Variants in KCNQ3 observed in about 807,000 individuals in gnomAD.
KCNQ3 encodes potassium voltage-gated channel subfamily Q member 3.
In KCNQ3, 30 loss-of-function variants were observed where a neutral mutation model predicts 92.5. That is an observed-to-expected ratio of 0.32 (90% CI 0.24 to 0.44). The LOEUF is 0.44. Among genes scored for constraint, KCNQ3 ranks in the 20% least tolerant of loss-of-function variants. The pLI, the probability that KCNQ3 is intolerant of heterozygous loss-of-function variation, is 1.00. For missense variants in KCNQ3, 913 were observed against 1,140.3 expected (o/e 0.80, Z 2.87); for synonymous variants, 450 against 468.8 (o/e 0.96, Z 0.52).
intron 1 of KCNQ3, among the ~76,000 whole-genome samples, chr8:132,279,316 C>T (rs1314766054): frequency 6.6e-6 from 1 of 152,100 alleles, no homozygotes; most frequent in African/African-American, 2.4e-5. Context: ...CTAAAAGTCT[C>T]CTAGGTGATT....
chr8:132,314,828 A>G (rs1209036807), intron 1 of KCNQ3, among the ~76,000 whole-genome samples: 2 of 152,228 alleles, frequency 1.3e-5, no homozygotes, highest in African/African-American at 4.8e-5. Flanking sequence ...GAGAAGTCTT[A>G]AAATATGAGC....
intron 1 of KCNQ3, among the ~76,000 whole-genome samples, chr8:132,237,732 G>T (rs143521956): frequency 6.6e-6 from 1 of 152,144 alleles, no homozygotes; most frequent in East Asian, 1.9e-4. Flanking sequence ...TGGAATTTGC[G>T]CTTTAATAGT....
intron 1 of KCNQ3, among the ~76,000 whole-genome samples, chr8:132,409,756 T>C (rs1035353515): frequency 6.6e-6 from 1 of 152,192 alleles, no homozygotes; most frequent in Non-Finnish European, 1.5e-5. Context: ...CAGTGCATAT[T>C]GAAATGGAGG....
chr8:132,287,833 T>C (rs1816720923), intron 1 of KCNQ3, among the ~76,000 whole-genome samples: 1 of 152,182 alleles, frequency 6.6e-6, no homozygotes, highest in South Asian at 2.1e-4. Context: ...GGCTTCTATT[T>C]GGGTGTCAGA....
At chr8:132,185,887 T>G (rs1286823620) in intron 2 of KCNQ3, among the ~76,000 whole-genome samples, 1 of 152,220 alleles carries the variant, frequency 6.6e-6, no homozygotes, top group East Asian at 1.9e-4. Context: ...TAGCAAAGCT[T>G]TACCAGGAAT....
At chr8:132,448,675 C>T (rs770187680) in intron 1 of KCNQ3, among the ~76,000 whole-genome samples, 10 of 152,090 alleles carry the variant, frequency 6.6e-5, no homozygotes, top group Admixed American at 1.3e-4. Context: ...CTATTATTTG[C>T]GTTTCTATCT....
intron 1 of KCNQ3, among the ~76,000 whole-genome samples, chr8:132,408,814 A>G (rs1820569934): frequency 6.6e-6 from 1 of 152,180 alleles, no homozygotes; most frequent in East Asian, 1.9e-4. Flanking sequence ...CCAACCCTGG[A>G]TGACAGCCAG....
chr8:132,431,579 G>C (rs1356824984), intron 1 of KCNQ3, among the ~76,000 whole-genome samples: 1 of 152,166 alleles, frequency 6.6e-6, no homozygotes, highest in Non-Finnish European at 1.5e-5. Context: ...CATGGAGCCT[G>C]GCTCACCTGA....
At chr8:132,161,366 T>C (rs948059009) in intron 9 of KCNQ3, among the ~76,000 whole-genome samples, 2 of 152,160 alleles carry the variant, frequency 1.3e-5, no homozygotes, top group Non-Finnish European at 1.5e-5. Context: ...CGGTGGCTCA[T>C]GCCTGTAATC....
chr8:132,228,847 G>A (rs1814527787), intron 1 of KCNQ3, among the ~76,000 whole-genome samples: 2 of 152,096 alleles, frequency 1.3e-5, no homozygotes, highest in Non-Finnish European at 2.9e-5. Context: ...AGCTTAAAGA[G>A]CTTCATGCAT....
In KCNQ3 at chr8:132,480,071, C is replaced by G. The variant is rs942255203; in HGVS notation, c.386+76G>C. On this transcript the variant is annotated intron_variant, in intron 1 of 14. Transcript: ENST00000388996. ...TCCATGGGTCTTAAAGCCCCAGAGA[C>G]TTCTCAGCTCCAGCCCCGACCCCAA... is the stretch of plus-strand genomic sequence containing the variant. The G allele has an allele frequency of 9.1e-5, 130 of 1,435,222 alleles. 1 individual carries two copies. Among genetic ancestry groups the G allele is most frequent in the Non-Finnish European group, 1.2e-4 (125 of 1,048,008 alleles). The allele number at this position is 1,435,222 out of a possible 1,614,324, so 88.9% of individuals were successfully genotyped here. A position where few individuals can be genotyped will look rare whatever the true frequency, so the allele number is the denominator to read the frequency against.
rs559623435 is a variant in KCNQ3 at position 132,153,990 on chromosome 8, A to G, written c.1262+9478T>C. On this transcript the variant is annotated intron_variant, in intron 9 of 14. Transcript: ENST00000388996. ...ATCCTGAACCCCTGGGACGCCTTTG[A>G]AAAAAAATGCCATTTTTTTTCCTTT... Among the ~76,000 whole-genome samples the G allele has an allele frequency of 1.5e-4, 5 of 32,716 alleles. No individual in the cohort carries two copies. The South Asian group carries it at 2.0e-3, about 13-fold the overall frequency. The allele number at this position is 32,716 out of a possible 152,430, so 21.5% of individuals were successfully genotyped here. A position where few individuals can be genotyped will look rare whatever the true frequency, so the allele number is the denominator to read the frequency against.
chr8:132,185,961 C>G, intron 2 of KCNQ3, 130 bp downstream of exon 2: 1 of 741,486 alleles, frequency 1.3e-6, no homozygotes, highest in South Asian at 1.5e-5. Context: ...TTTGCTTTTC[C>G]TTGGGCCTGG....
At chr8:132,380,947 A>G (rs1480335520) in intron 1 of KCNQ3, among the ~76,000 whole-genome samples, 1 of 151,944 alleles carries the variant, frequency 6.6e-6, no homozygotes, top group African/African-American at 2.4e-5. Context: ...AAAAAAAAAA[A>G]AAAACAACCT....
intron 1 of KCNQ3, among the ~76,000 whole-genome samples, chr8:132,370,452 T>C (rs1200729254): frequency 6.6e-6 from 1 of 152,220 alleles, no homozygotes; most frequent in Non-Finnish European, 1.5e-5. Context: ...TCAGCACCAC[T>C]GGCCAGCTGG....
At chr8:132,235,187 G>A (rs35495635) in intron 1 of KCNQ3, among the ~76,000 whole-genome samples, 187 of 152,120 alleles carry the variant, frequency 1.2e-3, no homozygotes, top group African/African-American at 4.4e-3. Flanking sequence ...GGGTGTCCTA[G>A]GAAGCCCTAA....
At chr8:132,478,159 G>GA (rs2130872451) in intron 1 of KCNQ3, among the ~76,000 whole-genome samples, 1 of 152,228 alleles carries the variant, frequency 6.6e-6, no homozygotes, top group East Asian at 1.9e-4. Flanking sequence ...TCCTTTTTGG[G>GA]AAACAGGCTC....
intron 9 of KCNQ3, among the ~76,000 whole-genome samples, chr8:132,150,124 G>T (rs1284245440): frequency 6.6e-6 from 1 of 152,030 alleles, no homozygotes; most frequent in African/African-American, 2.4e-5. Context: ...GGGAATGATG[G>T]GGATCACTGT....
intron 1 of KCNQ3, among the ~76,000 whole-genome samples, chr8:132,302,432 C>T (rs534426723): frequency 3.9e-5 from 6 of 152,318 alleles, no homozygotes; most frequent in South Asian, 2.1e-4. Context: ...ACTCTCAAAA[C>T]AACACTTTAC....
Sources: gnomAD v4.1 joint callset for allele counts (sites outside exome capture counted in the v4.1 genomes callset) on GRCh38, gnomAD v4.1.1 for gene constraint, MANE v1.5 for transcripts, NCBI Gene and HGNC (gene_info 2026-07-23, HGNC 2026-07-21) for gene names.